NUP214: variants seen among roughly 807,000 people sequenced by gnomAD.
NUP214 encodes nuclear pore complex protein Nup214.
NUP214 carries 79 observed loss-of-function variants against 196.2 expected under a neutral mutation model. That is an observed-to-expected ratio of 0.40 (90% CI 0.34 to 0.49). The LOEUF is 0.49. Among genes scored for constraint, NUP214 ranks in the 20% least tolerant of loss-of-function variants. The pLI, the probability that NUP214 is intolerant of heterozygous loss-of-function variation, is 0.58. For missense variants in NUP214, 2,468 were observed against 2,539.0 expected (o/e 0.97, Z 0.60); for synonymous variants, 1,020 against 990.5 (o/e 1.03, Z -0.56).
At chr9:131,155,666 G>A (rs1374744366) in intron 17 of NUP214, among the ~76,000 whole-genome samples, 1 of 152,166 alleles carries the variant, frequency 6.6e-6, no homozygotes, top group African/African-American at 2.4e-5. Context: ...TAAGGTGAGA[G>A]ATGAGGATCC....
chr9:131,130,682 G>T, intron 4 of NUP214, 84 bp from the exon 5 acceptor site: 1 of 1,233,652 alleles, frequency 8.1e-7, no homozygotes, highest in Non-Finnish European at 1.2e-6. Context: ...AGAGGAATGA[G>T]AATTGATAAT....
chr9:131,128,528 A>C, intron 3 of NUP214, 45 bp downstream of exon 3: 1 of 1,518,198 alleles, frequency 6.6e-7, no homozygotes, highest in Non-Finnish European at 8.9e-7. Flanking sequence ...AACCCTAAGC[A>C]GATTTCCTTG....
intron 9 of NUP214, among the ~76,000 whole-genome samples, chr9:131,137,654 G>A (rs1169613400): frequency 2.0e-5 from 3 of 149,414 alleles, no homozygotes; most frequent in Non-Finnish European, 3.0e-5. Context: ...TGGTTCAAGC[G>A]ATTCTCATGC....
chr9:131,128,428 C>T lies in NUP214; in HGVS notation c.338C>T (p.Ser113Phe). 1.2e-6 allele frequency: 2 copies of T among 1,613,758 alleles called. No individual in the cohort carries two copies. Among genetic ancestry groups the T allele is most frequent in the Non-Finnish European group, 1.7e-6 (2 of 1,179,756 alleles). ...CTCACACTCTCTGCGTGCATGATGT[C>T]CAGTGAATATGGTTCCATTATTGCT... ...DNLTLSACMM[S>F]SEYGSIIAFF... Residue 113 changes from serine (S) to phenylalanine (F), a missense_variant, in exon 3 of 36, where the codon TCC (serine) becomes TTC (phenylalanine). By Grantham distance (155) the Ser-to-Phe change is radical. Around this residue, in one of 5 missense-constraint regions of NUP214, gnomAD observed 392 missense variants for 417.9 expected, o/e 0.94. Transcript: ENST00000359428.
Position 131,163,162 on chromosome 9 carries a change from C to A in NUP214, c.2712C>A (p.Ser904Arg). The change falls in exon 19 of 36, where the codon AGC (serine) becomes AGA (arginine). Residue 904 changes from serine (S) to arginine (R), a missense_variant. Around this residue, in one of 5 missense-constraint regions of NUP214, gnomAD observed 1,801 missense variants for 1,779.4 expected, o/e 1.01. Transcript: ENST00000359428. ...WSLSSAVPSQ[S>R]SIHSFDSDLE... The stretch of plus-strand genomic sequence containing the variant: ...TGTCCTCGGCTGTTCCTTCCCAGAG[C>A]AGCATTCACAGGTGTGGAGAGGACT... The A allele has an allele frequency of 6.2e-7, 1 of 1,611,032 alleles. No individual in the cohort carries two copies.
At chr9:131,223,363 C>T (rs1313048435) in intron 32 of NUP214, among the ~76,000 whole-genome samples, 1 of 151,974 alleles carries the variant, frequency 6.6e-6, no homozygotes, top group Non-Finnish European at 1.5e-5. Flanking sequence ...GATGAGGTTT[C>T]ACCATGTTGG....
intron 22 of NUP214, among the ~76,000 whole-genome samples, chr9:131,175,163 GTAC>G (rs1427615391): frequency 6.6e-6 from 1 of 152,140 alleles, no homozygotes; most frequent in Non-Finnish European, 1.5e-5. Context: ...CCAGTGTTAG[GTAC>G]TAGAATGAAG....
chr9:131,176,495 A>G (rs1260019735), intron 23 of NUP214, among the ~76,000 whole-genome samples: 3 of 151,790 alleles, frequency 2.0e-5, no homozygotes, highest in African/African-American at 7.3e-5. Context: ...CCAGGCAAAT[A>G]TTTAAAAAAT....
intron 1 of NUP214, chr9:131,126,209 C>T (rs530853341): frequency 2.4e-5 from 4 of 169,698 alleles, no homozygotes; most frequent in Non-Finnish European, 5.1e-5. Context: ...TACGGGCTTG[C>T]CTAACGTAGA....
chr9:131,157,882 G>C (rs1832506953), intron 17 of NUP214, among the ~76,000 whole-genome samples: 1 of 152,146 alleles, frequency 6.6e-6, no homozygotes, highest in African/African-American at 2.4e-5. Context: ...CTGGCCTCAA[G>C]TGATCCACCT....
At chr9:131,167,736 G>A (rs536653625) in intron 21 of NUP214, among the ~76,000 whole-genome samples, 3 of 151,984 alleles carry the variant, frequency 2.0e-5, no homozygotes, top group African/African-American at 7.3e-5. Flanking sequence ...TAAATCTTTT[G>A]CTCATTCATT....
At chr9:131,179,160 C>G (rs1045096311) in intron 24 of NUP214, among the ~76,000 whole-genome samples, 5 of 152,154 alleles carry the variant, frequency 3.3e-5, no homozygotes, top group Admixed American at 2.6e-4. Context: ...ACACCACACC[C>G]AGCTAATTTT....
intron 31 of NUP214, chr9:131,222,539 A>G (rs1240363721): frequency 5.6e-5 from 22 of 392,404 alleles, no homozygotes; most frequent in East Asian, 4.6e-4. Context: ...TTTTGTGCCT[A>G]TAAAATCATG....
At chr9:131,127,971 G>A (rs369347704) in intron 2 of NUP214, among the ~76,000 whole-genome samples, 54 of 152,216 alleles carry the variant, frequency 3.5e-4, no homozygotes, top group African/African-American at 1.3e-3. Flanking sequence ...TTTTTGCTCA[G>A]TTGAACTTGG....
At chr9:131,157,459 G>GTTTTTTTTTTTTTTT (rs146677149) in intron 17 of NUP214, among the ~76,000 whole-genome samples, 1 of 74,676 alleles carries the variant, frequency 1.3e-5, no homozygotes, top group Non-Finnish European at 2.4e-5. Context: ...TGTGTCTGGC[G>GTTTTTTTTTTTTTTT]TTTTTTTTTT....
intron 2 of NUP214, 119 bp from the exon 3 acceptor site, chr9:131,128,213 A>C: frequency 1.5e-6 from 1 of 680,274 alleles, no homozygotes; most frequent in Non-Finnish European, 2.5e-6. Flanking sequence ...ATAACTAGGT[A>C]TTGGGGTGTA....
intron 21 of NUP214, chr9:131,164,407 A>G (rs895199701): frequency 2.0e-5 from 9 of 447,136 alleles, no homozygotes; most frequent in African/African-American, 1.4e-4. Context: ...TGTTTTCTGC[A>G]GTCCTCAAGT....
At chr9:131,139,543 A>G in intron 10 of NUP214, 136 bp downstream of exon 10, 1 of 1,297,458 alleles carries the variant, frequency 7.7e-7, no homozygotes, top group South Asian at 1.4e-5. Flanking sequence ...TTTCTCCCTG[A>G]AGAGTGATAA....
rs752873535 is a variant in NUP214 at position 131,233,530 on chromosome 9, C to T, written c.*43C>T. The T allele has an allele frequency of 1.1e-5, 17 of 1,611,600 alleles. No homozygotes were observed. Among genetic ancestry groups the T allele is most frequent in the Non-Finnish European group, 1.4e-5 (17 of 1,178,480 alleles). ...TTTCGATCCCTGGGACCAACCGCAT[C>T]CTCAGCTTCTTCCCCGAGAAATGCT... is the stretch of plus-strand genomic sequence containing the variant. On this transcript the variant is annotated 3_prime_UTR_variant, in exon 36 of 36. Coordinates refer to ENST00000359428, the MANE Select transcript of NUP214 (RefSeq NM_005085.4).
Sources: allele counts gnomAD v4.1 joint callset (sites outside exome capture counted in the v4.1 genomes callset), GRCh38; gene constraint gnomAD v4.1.1; regional missense constraint gnomAD v4.1.1; transcripts MANE v1.5; gene names NCBI Gene and HGNC (gene_info 2026-07-23, HGNC 2026-07-21).